Variants in GPR45 observed in about 807,000 individuals in gnomAD.
The protein encoded by GPR45 is probable G protein-coupled receptor 45.
GPR45 carries 7 observed loss-of-function variants against 5.9 expected under a neutral mutation model. That is an observed-to-expected ratio of 1.19 (90% CI 0.68 to 2.23). The LOEUF is 2.23. Among genes scored for constraint, GPR45 ranks in the 30% most tolerant of loss-of-function variants. The pLI is 0.00. For missense variants in GPR45, 440 were observed against 496.9 expected (o/e 0.89, Z 1.09); for synonymous variants, 220 against 226.3 (o/e 0.97, Z 0.25).
chr2:105,243,208 G>A lies in GPR45; in HGVS notation c.*231G>A, dbSNP rs1411593604. ...GCCAAATATGGGGCTGATGGGAACT[G>A]CAACGTCATTAAGTCAAAAATGGAG... On this transcript the variant is annotated 3_prime_UTR_variant, in exon 1 of 1. Coordinates refer to ENST00000258456, the MANE Select transcript of GPR45 (RefSeq NM_007227.3). Among the ~76,000 whole-genome samples the A allele has an allele frequency of 1.3e-5, 2 of 152,214 alleles. No homozygotes were observed. The highest frequency in any genetic ancestry group is 4.8e-5 in the African/African-American group (2 of 41,454).
At position 105,242,031 on chromosome 2, in the gene GPR45, T is replaced by C. The variant is rs1402740332; in HGVS notation, c.173T>C (p.Ile58Thr). The C allele has an allele frequency of 6.2e-7, 1 of 1,614,120 alleles. No individual in the cohort carries two copies. Among genetic ancestry groups the C allele is most frequent in the Non-Finnish European group, 8.5e-7 (1 of 1,179,984 alleles). Residue 58 changes from isoleucine to threonine, a missense_variant, in exon 1 of 1, where the codon ATC becomes ACC. Ile to Thr is a moderately conservative substitution (Grantham distance 89). Coordinates refer to ENST00000258456, the MANE Select transcript of GPR45 (RefSeq NM_007227.3). The surrounding 1 kb of genome is among the most constrained non-coding windows in gnomAD (Gnocchi z 4.8). The stretch of plus-strand genomic sequence containing the variant: ...CTGGGCAACACTGTGGTCTGCATCA[T>C]CGTGTACCAGAGGCCGGCTATGCGC... ...GFLGNTVVCI[I>T]VYQRPAMRSA...
Position 105,241,813 on chromosome 2 carries a change from G to T in GPR45, c.-46G>T. ...ATGGCAGCCACCCAAGTGCTGAGGG[G>T]AGCCCTCCCGGCCATTTCTGTCCCA... is the stretch of plus-strand genomic sequence containing the variant. On this transcript the variant is annotated 5_prime_UTR_variant, in exon 1 of 1. Coordinates refer to ENST00000258456, the MANE Select transcript of GPR45 (RefSeq NM_007227.3). The T allele has an allele frequency of 6.6e-7, 1 of 1,520,310 alleles. No individual in the cohort carries two copies. The highest frequency in any genetic ancestry group is 2.3e-5 in the East Asian group (1 of 43,996). 94.2% of individuals were successfully genotyped at this position (1,520,310 alleles called of 1,614,324 possible).
rs1676368408 is a variant in GPR45 at position 105,242,359 on chromosome 2, C to T, written c.501C>T (p.Leu167=). The change falls in exon 1 of 1, where the codon CTC becomes CTT. Residue 167 remains leucine (L), a synonymous_variant. Coordinates refer to ENST00000258456, the MANE Select transcript of GPR45 (RefSeq NM_007227.3). This position sits in a 1 kb window ranked among gnomAD's most constrained non-coding sequence, Gnocchi z 4.8. ...VLSFCIAGPS[L]TGWTLVEVPA... is the part of the protein sequence containing the mutation. The stretch of plus-strand genomic sequence containing the variant: ...CCTTCTGCATCGCGGGGCCCTCGCT[C>T]ACGGGCTGGACGCTGGTGGAGGTGC... The T allele has an allele frequency of 5.0e-6, 8 of 1,613,368 alleles. No individual in the cohort carries two copies. Among genetic ancestry groups the T allele is most frequent in the Non-Finnish European group, 5.9e-6 (7 of 1,179,862 alleles).
At position 105,242,843 on chromosome 2, in the gene GPR45, A is replaced by C; in HGVS notation, c.985A>C (p.Lys329Gln). The change falls in exon 1 of 1, where the codon AAA becomes CAA. Residue 329 changes from lysine (K) to glutamine (Q), a missense_variant. Transcript: ENST00000258456. This position sits in a 1 kb window ranked among gnomAD's most constrained non-coding sequence, Gnocchi z 4.8. ...CCCCATCGTCTACTGCTGGAGAATC[A>C]AAAAATTCCGCGAGGCCTGCATAGA... ...FNPIVYCWRIKKFREACIELL... is the reference protein window; with the variant it reads ...FNPIVYCWRIQKFREACIELL... The C allele has an allele frequency of 1.2e-6, 2 of 1,614,210 alleles. No individual in the cohort carries two copies. Among genetic ancestry groups the C allele is most frequent in the Non-Finnish European group, 1.7e-6 (2 of 1,180,020 alleles).
rs748665162 is a variant in GPR45 at position 105,241,872 on chromosome 2, G to T, written c.14G>T (p.Ser5Ile). MACNSTSLEAYTYLL... is the reference protein window; with the variant it reads MACNITSLEAYTYLL... ...GGTCTCTCCACGATGGCCTGCAACA[G>T]CACGTCCCTTGAGGCTTACACATAC... The change falls in exon 1 of 1, where the codon AGC (serine) becomes ATC (isoleucine). Residue 5 changes from serine to isoleucine, a missense_variant. Transcript: ENST00000258456. 1.1e-5 allele frequency: 17 copies of T among 1,563,896 alleles called. No homozygotes were observed. Among genetic ancestry groups the T allele is most frequent in the Non-Finnish European group, 1.4e-5 (16 of 1,150,428 alleles).
chr2:105,242,825 G>C lies in GPR45; in HGVS notation c.967G>C (p.Val323Leu). Residue 323 changes from valine (V) to leucine (L), a missense_variant, in exon 1 of 1, where the codon GTC becomes CTC. Physicochemically the swap from Val to Leu is conservative, Grantham distance 32. Coordinates refer to ENST00000258456, the MANE Select transcript of GPR45 (RefSeq NM_007227.3). The surrounding 1 kb of genome is among the most constrained non-coding windows in gnomAD (Gnocchi z 4.8). ...SYLKSVFNPI[V>L]YCWRIKKFRE... ...CCTCAAGTCCGTCTTCAACCCCATC[G>C]TCTACTGCTGGAGAATCAAAAAATT... 6.2e-7 allele frequency: 1 copy of C among 1,614,208 alleles called. No individual in the cohort carries two copies. The highest frequency in any genetic ancestry group is 1.1e-5 in the South Asian group (1 of 91,086).
chr2:105,242,505 T>C lies in GPR45; in HGVS notation c.647T>C (p.Met216Thr), dbSNP rs745910123. 3 of 1,605,540 alleles carry C rather than the reference T, an allele frequency of 1.9e-6. No homozygotes were observed. In the African/African-American group the frequency reaches 4.0e-5, roughly 21 times the overall value. The change falls in exon 1 of 1, where the codon ATG becomes ACG. Residue 216 changes from methionine to threonine, a missense_variant. Met to Thr is a moderately conservative substitution (Grantham distance 81, BLOSUM62 -1). Transcript: ENST00000258456. This position sits in a 1 kb window ranked among gnomAD's most constrained non-coding sequence, Gnocchi z 4.8. ...TTTGGCGTCATGCTGTGCGCCTACA[T>C]GTGCATCCTCAACACGGTCCGCAAG... Reference protein sequence around the residue: ...APFGVMLCAYMCILNTVRKNA... With the variant: ...APFGVMLCAYTCILNTVRKNA...
chr2:105,242,046 C>T lies in GPR45; in HGVS notation c.188C>T (p.Pro63Leu), dbSNP rs903481209. The change falls in exon 1 of 1, where the codon CCG (proline) becomes CTG (leucine). Residue 63 changes from proline (P) to leucine (L), a missense_variant. Transcript: ENST00000258456. This position sits in a 1 kb window ranked among gnomAD's most constrained non-coding sequence, Gnocchi z 4.8. ...GTCTGCATCATCGTGTACCAGAGGC[C>T]GGCTATGCGCTCGGCCATCAACCTG... ...TVVCIIVYQR[P>L]AMRSAINLLL... 8 of 1,614,020 alleles carry T rather than the reference C, an allele frequency of 5.0e-6. No individual in the cohort carries two copies. In the African/African-American group the frequency reaches 6.7e-5, roughly 13 times the overall value.
chr2:105,242,138 A>G lies in GPR45; in HGVS notation c.280A>G (p.Thr94Ala). The change falls in exon 1 of 1, where the codon ACC (threonine) becomes GCC (alanine). Residue 94 changes from threonine to alanine, a missense_variant. Physicochemically the swap from Thr to Ala is moderately conservative, Grantham distance 58 (BLOSUM62 0). Coordinates refer to ENST00000258456, the MANE Select transcript of GPR45 (RefSeq NM_007227.3). This position sits in a 1 kb window ranked among gnomAD's most constrained non-coding sequence, Gnocchi z 4.8. ...SLCCMPFTAV[T>A]LITVRWHFGD... Reference sequence around the variant, plus strand: ...CTGCTGCATGCCCTTCACCGCCGTCACCCTCATCACCGTGCGCTGGCACTT... The same window carrying G: ...CTGCTGCATGCCCTTCACCGCCGTCGCCCTCATCACCGTGCGCTGGCACTT... 6.2e-7 allele frequency: 1 copy of G among 1,613,972 alleles called. No individual in the cohort carries two copies. The highest frequency in any genetic ancestry group is 8.5e-7 in the Non-Finnish European group (1 of 1,180,008).
At position 105,241,933 on chromosome 2, in the gene GPR45, G is replaced by T; in HGVS notation, c.75G>T (p.Gly25=). Residue 25 remains glycine (G), a synonymous_variant, in exon 1 of 1, where the codon GGG becomes GGT. Coordinates refer to ENST00000258456, the MANE Select transcript of GPR45 (RefSeq NM_007227.3). ...ACACCAGCAACGCCTCAGACTCGGG[G>T]TCCACCCAGTTGCCCGCACCCCTCA... ...LLNTSNASDS[G]STQLPAPLRI... 1 of 1,610,948 alleles carries T rather than the reference G, an allele frequency of 6.2e-7. No individual in the cohort carries two copies. The highest frequency in any genetic ancestry group is 8.5e-7 in the Non-Finnish European group (1 of 1,177,876).
chr2:105,242,768 G>T lies in GPR45; in HGVS notation c.910G>T (p.Ala304Ser). ...QRFYCGSSFY[A>S]TSTCVLWLSY... ...CTTTTACTGCGGTTCCTCCTTCTAC[G>T]CCACCAGCACCTGCGTCCTGTGGCT... The change falls in exon 1 of 1, where the codon GCC (alanine) becomes TCC (serine). Residue 304 changes from alanine to serine, a missense_variant. Physicochemically the swap from Ala to Ser is moderately conservative, Grantham distance 99. Transcript: ENST00000258456. This position sits in a 1 kb window ranked among gnomAD's most constrained non-coding sequence, Gnocchi z 4.8. The T allele has an allele frequency of 6.2e-7, 1 of 1,614,102 alleles. No homozygotes were observed. The highest frequency in any genetic ancestry group is 1.1e-5 in the South Asian group (1 of 91,084).
At position 105,242,504 on chromosome 2, in the gene GPR45, A is replaced by G; in HGVS notation, c.646A>G (p.Met216Val). ...APFGVMLCAY[M>V]CILNTVRKNA... ...CTTTGGCGTCATGCTGTGCGCCTAC[A>G]TGTGCATCCTCAACACGGTCCGCAA... Residue 216 changes from methionine (M) to valine (V), a missense_variant, in exon 1 of 1, where the codon ATG becomes GTG. Coordinates refer to ENST00000258456, the MANE Select transcript of GPR45 (RefSeq NM_007227.3). This position sits in a 1 kb window ranked among gnomAD's most constrained non-coding sequence, Gnocchi z 4.8. 1 of 1,605,608 alleles carries G rather than the reference A, an allele frequency of 6.2e-7. No individual in the cohort carries two copies. Among genetic ancestry groups the G allele is most frequent in the Non-Finnish European group, 8.5e-7 (1 of 1,179,840 alleles).
In GPR45 at chr2:105,242,676, T is replaced by C. The variant is rs760474889; in HGVS notation, c.818T>C (p.Phe273Ser). Residue 273 changes from phenylalanine to serine, a missense_variant, in exon 1 of 1, where the codon TTC (phenylalanine) becomes TCC (serine). Phe to Ser is a radical substitution (Grantham distance 155). Coordinates refer to ENST00000258456, the MANE Select transcript of GPR45 (RefSeq NM_007227.3). The surrounding 1 kb of genome is among the most constrained non-coding windows in gnomAD (Gnocchi z 4.8). ...TKAFTTILIL[F>S]VGFSLCWLPH... ...GCCTTCACCACCATCCTGATCCTCTTCGTGGGCTTCTCCCTCTGCTGGCTG... is the reference window on the plus strand; with the variant it reads ...GCCTTCACCACCATCCTGATCCTCTCCGTGGGCTTCTCCCTCTGCTGGCTG... 5.0e-6 allele frequency: 8 copies of C among 1,599,836 alleles called. No individual in the cohort carries two copies. The South Asian group carries it at 9.0e-5, about 18-fold the overall frequency.
rs1393176319 is a variant in GPR45, at chr2:105,242,977, G to T, written c.1119G>T (p.Ter373TyrextTer11). The T allele has an allele frequency of 6.2e-7, 1 of 1,610,852 alleles. No homozygotes were observed. The highest frequency in any genetic ancestry group is 8.5e-7 in the Non-Finnish European group (1 of 1,177,700). The change falls in exon 1 of 1, where the codon TAG (stop) becomes TAT (tyrosine). Residue 373 changes from the stop codon to tyrosine, a stop_lost. Transcript: ENST00000258456. This position sits in a 1 kb window ranked among gnomAD's most constrained non-coding sequence, Gnocchi z 4.8. ...YVCNENQSAV[*>Y] ...GCAATGAAAACCAGTCTGCGGTTTA[G>T]GGGGTCAGGGGGCCACAGAGAAGGG...
rs761119993 is a variant in GPR45, at chr2:105,242,852, C to T, written c.994C>T (p.Arg332Cys). The change falls in exon 1 of 1, where the codon CGC (arginine) becomes TGC (cysteine). Residue 332 changes from arginine (R) to cysteine (C), a missense_variant. Arg to Cys is a radical substitution (Grantham distance 180). Coordinates refer to ENST00000258456, the MANE Select transcript of GPR45 (RefSeq NM_007227.3). This position sits in a 1 kb window ranked among gnomAD's most constrained non-coding sequence, Gnocchi z 4.8. ...CTACTGCTGGAGAATCAAAAAATTC[C>T]GCGAGGCCTGCATAGAGTTGCTGCC... ...IVYCWRIKKF[R>C]EACIELLPQT... The T allele has an allele frequency of 5.6e-6, 9 of 1,614,070 alleles. No individual in the cohort carries two copies. The highest frequency in any genetic ancestry group is 7.6e-6 in the Non-Finnish European group (9 of 1,180,014).
Position 105,242,924 on chromosome 2 carries a change from A to C in GPR45, c.1066A>C (p.Arg356=), listed in dbSNP as rs1485549020. The change falls in exon 1 of 1, where the codon AGA becomes CGA. Residue 356 remains arginine, a synonymous_variant. Transcript: ENST00000258456. This position sits in a 1 kb window ranked among gnomAD's most constrained non-coding sequence, Gnocchi z 4.8. ...CAAAGTGCCTGAGCGGATCCGAAGG[A>C]GAATCCAGCCAAGCACAGTCTACGT... ...LPKVPERIRR[R]IQPSTVYVCN... 58 of 1,614,100 alleles carry C rather than the reference A, an allele frequency of 3.6e-5. No individual in the cohort carries two copies. Among genetic ancestry groups the C allele is most frequent in the Non-Finnish European group, 4.9e-5 (58 of 1,180,048 alleles).
At position 105,242,610 on chromosome 2, in the gene GPR45, G is replaced by T. The variant is rs780064917; in HGVS notation, c.752G>T (p.Arg251Leu). The T allele has an allele frequency of 1.9e-6, 3 of 1,608,508 alleles. No individual in the cohort carries two copies. The highest frequency in any genetic ancestry group is 1.7e-5 in the Admixed American group (1 of 59,852). Residue 251 changes from arginine to leucine, a missense_variant, in exon 1 of 1, where the codon CGG (arginine) becomes CTG (leucine). Transcript: ENST00000258456. The surrounding 1 kb of genome is among the most constrained non-coding windows in gnomAD (Gnocchi z 4.8). ...AGGGCGGGCCTGCGGCGCCTGCAGC[G>T]GCAGCAACAGGTCAGCGTGGACTTG... The part of the protein sequence containing the change: ...LTRAGLRRLQ[R>L]QQQVSVDLSF...
At position 105,242,307 on chromosome 2, in the gene GPR45, T is replaced by C; in HGVS notation, c.449T>C (p.Val150Ala). Residue 150 changes from valine to alanine, a missense_variant, in exon 1 of 1, where the codon GTG becomes GCG. By Grantham distance (64) the Val-to-Ala change is moderately conservative. Coordinates refer to ENST00000258456, the MANE Select transcript of GPR45 (RefSeq NM_007227.3). This position sits in a 1 kb window ranked among gnomAD's most constrained non-coding sequence, Gnocchi z 4.8. Reference sequence around the variant, plus strand: ...AAGCTGAACCCGCGCAGGGCCAAGGTGATCATCGCGGTCTCCTGGGTGCTG... The same window carrying C: ...AAGCTGAACCCGCGCAGGGCCAAGGCGATCATCGCGGTCTCCTGGGTGCTG... ...QDKLNPRRAK[V>A]IIAVSWVLSF... The C allele has an allele frequency of 6.2e-7, 1 of 1,613,996 alleles. No homozygotes were observed. The highest frequency in any genetic ancestry group is 8.5e-7 in the Non-Finnish European group (1 of 1,180,006).
chr2:105,242,273 C>A lies in GPR45; in HGVS notation c.415C>A (p.Arg139Ser). Residue 139 changes from arginine (R) to serine (S), a missense_variant, in exon 1 of 1, where the codon CGC (arginine) becomes AGC (serine). Transcript: ENST00000258456. This position sits in a 1 kb window ranked among gnomAD's most constrained non-coding sequence, Gnocchi z 4.8. ...GGACCGCTTCCTCATCATCGTCCAG[C>A]GCCAGGACAAGCTGAACCCGCGCAG... ...SVDRFLIIVQ[R>S]QDKLNPRRAK... 6 of 1,614,146 alleles carry A rather than the reference C, an allele frequency of 3.7e-6. No homozygotes were observed. The highest frequency in any genetic ancestry group is 1.3e-5 in the African/African-American group (1 of 75,050).
Sources: allele counts gnomAD v4.1 joint callset (sites outside exome capture counted in the v4.1 genomes callset), GRCh38; gene constraint gnomAD v4.1.1; non-coding constraint Gnocchi (gnomAD v3.1); transcripts MANE v1.5; gene names NCBI Gene and HGNC (gene_info 2026-07-23, HGNC 2026-07-21).